The following TMCO6 variants were observed in gnomAD, a reference collection of about 807,000 sequenced individuals.
TMCO6 encodes transmembrane and coiled-coil domains 6.
A neutral mutation model predicts 61.8 loss-of-function variants in TMCO6; 47 were observed. The observed-to-expected ratio is 0.76, with a 90% CI of 0.60 to 0.97. The LOEUF is 0.97. Ranked by LOEUF, TMCO6 falls within the 50% of genes least tolerant of loss-of-function variation. TMCO6 has a pLI of 0.00. For missense variants in TMCO6, 557 were observed against 601.6 expected (o/e 0.93, Z 0.78); for synonymous variants, 261 against 254.2 (o/e 1.03, Z -0.25).
intron 2 of TMCO6, 39 bp downstream of exon 2, chr5:140,639,890 G>A (rs1365702386): frequency 6.5e-7 from 1 of 1,540,796 alleles, no homozygotes; most frequent in Non-Finnish European, 8.8e-7. Context: ...GTCCACGCCC[G>A]CTGGCGCCAG....
At chr5:140,619,349 G>A in the TMCO6 span, among the ~76,000 whole-genome samples, 3 of 152,182 alleles carry the variant, frequency 2.0e-5, no homozygotes, top group African/African-American at 7.2e-5. Context: ...CTAACTACAA[G>A]CAGCCAGAAA....
At chr5:140,618,444 A>G in the TMCO6 span, among the ~76,000 whole-genome samples, 44 of 152,252 alleles carry the variant, frequency 2.9e-4, 1 homozygote, top group South Asian at 8.7e-3. Flanking sequence ...AAAAAGAAAA[A>G]GGAGCAAAGA....
At position 140,644,146 on chromosome 5, in the gene TMCO6, T is replaced by C; in HGVS notation, c.1152T>C (p.Ile384=). 4 of 1,614,206 alleles carry C rather than the reference T, an allele frequency of 2.5e-6. No individual in the cohort carries two copies. The highest frequency in any genetic ancestry group is 3.4e-6 in the Non-Finnish European group (4 of 1,180,024). ...CCTCCTTGCTCTCCCTGGATCTGAT[T>C]GAGCCTCTCTTACAGCTGTTGCCAG... ...FCTSLLSLDL[I]EPLLQLLPVS... Residue 384 remains isoleucine, a synonymous_variant, in exon 10 of 12, where the codon ATT becomes ATC. Coordinates refer to ENST00000394671, the MANE Select transcript of TMCO6 (RefSeq NM_018502.5).
the TMCO6 span, among the ~76,000 whole-genome samples, chr5:140,618,287 G>C: frequency 6.6e-6 from 1 of 152,102 alleles, no homozygotes; most frequent in Non-Finnish European, 1.5e-5. Flanking sequence ...AAATGAGCCA[G>C]GCGTGGTGGT....
At chr5:140,601,582 T>C in the TMCO6 span, among the ~76,000 whole-genome samples, 1 of 152,042 alleles carries the variant, frequency 6.6e-6, no homozygotes, top group Non-Finnish European at 1.5e-5. Flanking sequence ...TGAGACAGAG[T>C]CTCGTTCTGT....
chr5:140,619,253 G>A, the TMCO6 span, among the ~76,000 whole-genome samples: 79,543 of 152,068 alleles, frequency 0.52, 21,081 homozygotes, highest in African/African-American at 0.53. Flanking sequence ...GACAGAGCAG[G>A]AGCACCATCA....
chr5:140,597,769 T>C, the TMCO6 span, among the ~76,000 whole-genome samples: 4 of 152,336 alleles, frequency 2.6e-5, no homozygotes, highest in African/African-American at 9.6e-5. Flanking sequence ...TGGACTATCT[T>C]AGCCACTGGA....
Position 140,639,476 on chromosome 5 carries a change from C to A in TMCO6, c.-52C>A. The A allele has an allele frequency of 6.5e-7, 1 of 1,527,022 alleles. No individual in the cohort carries two copies. Among genetic ancestry groups the A allele is most frequent in the Non-Finnish European group, 8.9e-7 (1 of 1,126,910 alleles). The allele number at this position is 1,527,022 out of a possible 1,614,324, so 94.6% of individuals were successfully genotyped here. A position where few individuals can be genotyped will look rare whatever the true frequency, so the allele number is the denominator to read the frequency against. ...GCAGTCGGTGCCATCTTCTACGCCC[C>A]TGGGAGCGTTGTGGCTGCTGTTTCC... On this transcript the variant is annotated 5_prime_UTR_variant, in exon 1 of 12. It adds an upstream start codon to the 5' untranslated region. Transcript: ENST00000394671.
At chr5:140,632,315 G>A in the TMCO6 span, 2 of 1,614,040 alleles carry the variant, frequency 1.2e-6, no homozygotes, top group South Asian at 1.1e-5. The surrounding 1 kb of genome is among the most constrained non-coding windows in gnomAD (Gnocchi z 6.2). Context: ...GATTCTGGAT[G>A]GCCGGGAACT....
the TMCO6 span, among the ~76,000 whole-genome samples, chr5:140,611,980 G>A: frequency 6.6e-6 from 1 of 152,190 alleles, no homozygotes; most frequent in South Asian, 2.1e-4. Context: ...TTGTGTTGGA[G>A]AAAAGAAGAC....
chr5:140,610,896 T>G, the TMCO6 span, among the ~76,000 whole-genome samples: 2 of 152,346 alleles, frequency 1.3e-5, no homozygotes, highest in South Asian at 4.1e-4. Context: ...GTTCCCTTCC[T>G]TCCTTTTGTT....
chr5:140,644,854 G>A lies in TMCO6; in HGVS notation c.1368+114G>A, dbSNP rs190014070. ...TCTCTGGGCCTGGCTAACCTATATA[G>A]GTTCCATGTCAGAAACTTCATCCTC... On this transcript the variant is annotated intron_variant, in intron 11 of 11. Transcript: ENST00000394671. 2,388 of 1,516,082 alleles carry A rather than the reference G, an allele frequency of 1.6e-3. 23 individuals are homozygous for A. The highest frequency in any genetic ancestry group is 0.014 in the Middle Eastern group (77 of 5,314). The allele number at this position is 1,516,082 out of a possible 1,614,324, so 93.9% of individuals were successfully genotyped here. A position where few individuals can be genotyped will look rare whatever the true frequency, so the allele number is the denominator to read the frequency against.
chr5:140,606,487 A>T, the TMCO6 span, among the ~76,000 whole-genome samples: 1 of 151,798 alleles, frequency 6.6e-6, no homozygotes, highest in Non-Finnish European at 1.5e-5. Flanking sequence ...TATTTTTTCC[A>T]TTCCTTATTT....
chr5:140,647,319 G>C (rs756686411), downstream of TMCO6: 1 of 1,598,354 alleles, frequency 6.3e-7, no homozygotes, highest in Non-Finnish European at 8.5e-7. Flanking sequence ...GGTAGGTCGG[G>C]ATTCGCCTTC....
At chr5:140,632,381 C>T in the TMCO6 span, 2 of 1,614,200 alleles carry the variant, frequency 1.2e-6, no homozygotes, top group Non-Finnish European at 1.7e-6. This position sits in a 1 kb window ranked among gnomAD's most constrained non-coding sequence, Gnocchi z 6.2. Context: ...GATTGTCAGA[C>T]AGGTCTAGGC....
the TMCO6 span, among the ~76,000 whole-genome samples, chr5:140,621,166 G>T: frequency 1.3e-5 from 2 of 152,082 alleles, no homozygotes; most frequent in Non-Finnish European, 2.9e-5. Flanking sequence ...TCTTCACTTG[G>T]CTTCCAGGAC....
At chr5:140,627,787 T>C in the TMCO6 span, among the ~76,000 whole-genome samples, 3 of 151,286 alleles carry the variant, frequency 2.0e-5, no homozygotes, top group Non-Finnish European at 4.4e-5. Flanking sequence ...TCCCAGCTAC[T>C]CAGGAGGCTG....
At chr5:140,630,804 T>C in the TMCO6 span, among the ~76,000 whole-genome samples, 1 of 152,198 alleles carries the variant, frequency 6.6e-6, no homozygotes, top group Non-Finnish European at 1.5e-5. Context: ...TCCCTATTCC[T>C]ATCTGTGTGG....
chr5:140,621,613 A>G, the TMCO6 span, among the ~76,000 whole-genome samples: 4 of 152,210 alleles, frequency 2.6e-5, no homozygotes, highest in Non-Finnish European at 4.4e-5. Flanking sequence ...GATAACAGCA[A>G]TTGTTCAGGG....
Sources: gnomAD v4.1 joint callset for allele counts (sites outside exome capture counted in the v4.1 genomes callset) on GRCh38, gnomAD v4.1.1 for gene constraint, Gnocchi (gnomAD v3.1) non-coding constraint, MANE v1.5 for transcripts, NCBI Gene and HGNC (gene_info 2026-07-23, HGNC 2026-07-21) for gene names.